CHST11: variants seen among roughly 807,000 people sequenced by gnomAD.
CHST11 encodes carbohydrate sulfotransferase 11.
In CHST11, 9 loss-of-function variants were observed where a neutral mutation model predicts 30.4. The observed-to-expected ratio is 0.30, with a 90% CI of 0.18 to 0.52. The LOEUF (loss-of-function observed/expected upper bound fraction) is 0.52. Among genes scored for constraint, CHST11 ranks in the 20% least tolerant of loss-of-function variants. The probability of loss-of-function intolerance (pLI) is 0.97; values close to 1 mark genes in which losing one functional copy is unlikely to be tolerated. For synonymous variants in CHST11, 152 were observed against 187.8 expected (o/e 0.81, Z 1.56); for missense variants, 348 against 460.6 (o/e 0.76, Z 2.24).
At chr12:104,535,245 T>G (rs1295925266) in intron 1 of CHST11, among the ~76,000 whole-genome samples, 1 of 152,212 alleles carries the variant, frequency 6.6e-6, no homozygotes, top group Non-Finnish European at 1.5e-5. Flanking sequence ...CTCGTCCTCC[T>G]GGATTTCAGG....
chr12:104,687,047 A>G (rs1206563917), intron 2 of CHST11, among the ~76,000 whole-genome samples: 1 of 152,204 alleles, frequency 6.6e-6, no homozygotes, highest in Non-Finnish European at 1.5e-5. Flanking sequence ...TGCAGGTCCC[A>G]ACTGCCAAGG....
At chr12:104,728,236 AT>A (rs2040231024) in intron 2 of CHST11, among the ~76,000 whole-genome samples, 1 of 152,138 alleles carries the variant, frequency 6.6e-6, no homozygotes, top group East Asian at 1.9e-4. Context: ...GCAGGAACTG[AT>A]TGGCAGGTCT....
At chr12:104,568,735 G>A (rs1370638079) in intron 1 of CHST11, among the ~76,000 whole-genome samples, 2 of 152,130 alleles carry the variant, frequency 1.3e-5, no homozygotes, top group Non-Finnish European at 2.9e-5. Context: ...GCTCAGAGAG[G>A]TTAAGTAACT....
chr12:104,542,306 A>G (rs1447263740), intron 1 of CHST11, among the ~76,000 whole-genome samples: 4 of 152,238 alleles, frequency 2.6e-5, no homozygotes, highest in Non-Finnish European at 5.9e-5. Context: ...TTGTACAGCT[A>G]TGTTCATAGC....
At chr12:104,720,874 C>T (rs1019983605) in intron 2 of CHST11, among the ~76,000 whole-genome samples, 3 of 152,132 alleles carry the variant, frequency 2.0e-5, no homozygotes, top group South Asian at 2.1e-4. Flanking sequence ...GTCTTATAGA[C>T]GCCGTTCACC....
chr12:104,671,538 A>G (rs964428383), intron 2 of CHST11, among the ~76,000 whole-genome samples: 2 of 152,158 alleles, frequency 1.3e-5, no homozygotes, highest in African/African-American at 4.8e-5. Flanking sequence ...CGGTCTAGGA[A>G]GTCCTGTCGC....
Position 104,510,978 on chromosome 12 carries a change from A to G in CHST11, c.118+53449A>G, listed in dbSNP as rs551124916. 1.4e-3 allele frequency among the ~76,000 whole-genome samples: 216 copies of G among 152,292 alleles called. 1 individual carries two copies. Among genetic ancestry groups the G allele is most frequent in the African/African-American group, 5.0e-3 (207 of 41,548 alleles). Reference sequence around the variant, plus strand: ...TTGGAGGGGAACTTTAAATATGTATATTTTACTTAAAAAAATAAAAGCCCA... The same window carrying G: ...TTGGAGGGGAACTTTAAATATGTATGTTTTACTTAAAAAAATAAAAGCCCA... On this transcript the variant is annotated intron_variant, in intron 1 of 2. Transcript: ENST00000303694.
chr12:104,699,838 G>C (rs1247961753), intron 2 of CHST11, among the ~76,000 whole-genome samples: 2 of 152,166 alleles, frequency 1.3e-5, no homozygotes, highest in African/African-American at 2.4e-5. Context: ...AGCAGGGGCG[G>C]GAAATGATGC....
chr12:104,656,368 G>A lies in CHST11; in HGVS notation c.204+54377G>A, dbSNP rs147379776. ...CAAGTGATGCATCAGGCTCCCTACT[G>A]CTGAGGTGCGGTGGTCAGCCTGGGA... On this transcript the variant is annotated intron_variant, in intron 2 of 2. Transcript: ENST00000303694. Among the ~76,000 whole-genome samples the A allele has an allele frequency of 3.4e-3, 515 of 152,204 alleles. 1 individual carries two copies. The highest frequency in any genetic ancestry group is 0.012 in the African/African-American group (484 of 41,506).
intron 2 of CHST11, among the ~76,000 whole-genome samples, chr12:104,640,810 G>A (rs748171874): frequency 1.7e-4 from 26 of 152,156 alleles, no homozygotes; most frequent in South Asian, 1.0e-3. Flanking sequence ...AGGGACAGGA[G>A]GCAGGGAAAT....
At chr12:104,661,307 G>A (rs1417209723) in intron 2 of CHST11, among the ~76,000 whole-genome samples, 4 of 151,884 alleles carry the variant, frequency 2.6e-5, no homozygotes, top group East Asian at 1.9e-4. Context: ...CGGGTAGATC[G>A]CTGGAGATTA....
chr12:104,524,461 C>A (rs2374400), intron 1 of CHST11, among the ~76,000 whole-genome samples: 1 of 151,996 alleles, frequency 6.6e-6, no homozygotes, highest in East Asian at 1.9e-4. Flanking sequence ...GACATAGACA[C>A]GTATAGGGAA....
intron 2 of CHST11, among the ~76,000 whole-genome samples, chr12:104,630,022 G>T (rs2039256143): frequency 6.6e-6 from 1 of 152,194 alleles, no homozygotes; most frequent in African/African-American, 2.4e-5. Flanking sequence ...TTAAGTTGGA[G>T]ATTGTCTTAC....
rs1304981438 is a variant in CHST11 at position 104,676,046 on chromosome 12, G to A, written c.204+74055G>A. ...CAACTCCTATAATTCTGTCTGCATA[G>A]GAAAGACCTGTTCAATGATCATCTT... On this transcript the variant is annotated intron_variant, in intron 2 of 2. Coordinates refer to ENST00000303694, the MANE Select transcript of CHST11 (RefSeq NM_018413.6). The surrounding 1 kb of genome is among the most constrained non-coding windows in gnomAD (Gnocchi z 4.4). Among the ~76,000 whole-genome samples, 1 of 152,170 alleles carries A rather than the reference G, an allele frequency of 6.6e-6. No individual in the cohort carries two copies. Among genetic ancestry groups the A allele is most frequent in the Non-Finnish European group, 1.5e-5 (1 of 68,030 alleles).
intron 1 of CHST11, among the ~76,000 whole-genome samples, chr12:104,590,007 T>A (rs1049949619): frequency 2.4e-5 from 3 of 126,772 alleles, no homozygotes; most frequent in Non-Finnish European, 5.2e-5. Context: ...AGACTCTGTC[T>A]CAAAATTAAA....
chr12:104,680,986 T>C (rs835480), intron 2 of CHST11, among the ~76,000 whole-genome samples: 79,531 of 152,106 alleles, frequency 0.52, 22,230 homozygotes, highest in Non-Finnish European at 0.63. Context: ...CTGGGGATAA[T>C]AATATCTACT....
intron 2 of CHST11, among the ~76,000 whole-genome samples, chr12:104,700,650 G>C (rs1437752381): frequency 6.6e-6 from 1 of 152,244 alleles, no homozygotes; most frequent in Admixed American, 6.5e-5. Context: ...CTGGCACCTG[G>C]TAATACATTC....
chr12:104,756,532 GGTGTGTGTGT>G (rs113577198), intron 2 of CHST11, among the ~76,000 whole-genome samples: 1 of 143,292 alleles, frequency 7.0e-6, no homozygotes, highest in African/African-American at 2.6e-5. Context: ...ATCCATGTGG[GGTGTGTGTGT>G]GTGTGTGTGT....
intron 1 of CHST11, among the ~76,000 whole-genome samples, chr12:104,509,662 A>G (rs2037943686): frequency 6.6e-6 from 1 of 152,150 alleles, no homozygotes; most frequent in Non-Finnish European, 1.5e-5. Flanking sequence ...CCCCACAACC[A>G]TGGTTGCAGA....
Sources: gnomAD v4.1 joint callset for allele counts (sites outside exome capture counted in the v4.1 genomes callset) on GRCh38, gnomAD v4.1.1 for gene constraint, Gnocchi (gnomAD v3.1) non-coding constraint, MANE v1.5 for transcripts, NCBI Gene and HGNC (gene_info 2026-07-23, HGNC 2026-07-21) for gene names.